The following SLC24A2 variants were observed in gnomAD, a reference collection of about 807,000 sequenced individuals.
SLC24A2 encodes sodium/potassium/calcium exchanger 2.
Under a neutral mutation model 62.0 loss-of-function variants are expected in SLC24A2, and 36 were observed. The ratio of observed to expected loss-of-function variants is 0.58; its 90% CI spans 0.44 to 0.77. The LOEUF (loss-of-function observed/expected upper bound fraction) is 0.77, where lower values mean the gene tolerates loss of function less well. Ranked by LOEUF, SLC24A2 falls within the 30% of genes least tolerant of loss-of-function variation. SLC24A2 has a pLI of 0.00. For synonymous variants in SLC24A2, 358 were observed against 294.0 expected (o/e 1.22, Z -2.23); for missense variants, 846 against 817.9 (o/e 1.03, Z -0.42).
chr9:20,017,660 C>A, the SLC24A2 span, among the ~76,000 whole-genome samples: 7 of 152,204 alleles, frequency 4.6e-5, no homozygotes, highest in African/African-American at 1.7e-4. Flanking sequence ...AGCCTTCAGT[C>A]TGTGGCCAAA....
chr9:20,127,743 A>G, the SLC24A2 span, among the ~76,000 whole-genome samples: 1 of 152,174 alleles, frequency 6.6e-6, no homozygotes, highest in East Asian at 1.9e-4. Context: ...AGTCATGGCA[A>G]GAAGTGCTAA....
Position 19,787,035 on chromosome 9 carries a change from A to T in SLC24A2, c.-153-16T>A. The T allele has an allele frequency of 4.4e-6, 6 of 1,365,348 alleles. No individual in the cohort carries two copies. In the South Asian group the frequency reaches 1.2e-4, roughly 27 times the overall value. The allele number at this position is 1,365,348 out of a possible 1,614,324, so 84.6% of individuals were successfully genotyped here. A position where few individuals can be genotyped will look rare whatever the true frequency, so the allele number is the denominator to read the frequency against. The stretch of plus-strand genomic sequence containing the variant: ...ATCATTTATGCTTAAATAAAAATAA[A>T]AACGAGAATAAGTAAATCATAAAAT... On this transcript the variant is annotated splice_polypyrimidine_tract_variant and intron_variant, in intron 1 of 10. Coordinates refer to ENST00000341998, the MANE Select transcript of SLC24A2 (RefSeq NM_020344.4).
chr9:19,838,455 C>CCACA, the SLC24A2 span, among the ~76,000 whole-genome samples: 22,694 of 144,610 alleles, frequency 0.16, 1,852 homozygotes, highest in Middle Eastern at 0.23. Context: ...AGACCTAAAA[C>CCACA]CACACACACA....
At position 19,786,834 on chromosome 9, in the gene SLC24A2, G is replaced by A. The variant is rs1194716680; in HGVS notation, c.33C>T (p.Ser11=). The A allele has an allele frequency of 6.2e-7, 1 of 1,612,198 alleles. No homozygotes were observed. The highest frequency in any genetic ancestry group is 1.7e-5 in the Admixed American group (1 of 59,924). ...ACTCATCCAAACACCATTTCTCTAG[G>A]GAAGTGATGGTGGTGCTTTGTTGCA... MDLQQSTTIT[S]LEKWCLDESL... Residue 11 remains serine (S), a synonymous_variant, in exon 2 of 11, where the codon TCC becomes TCT. Coordinates refer to ENST00000341998, the MANE Select transcript of SLC24A2 (RefSeq NM_020344.4). This position sits in a 1 kb window ranked among gnomAD's most constrained non-coding sequence, Gnocchi z 5.0.
At chr9:19,951,561 A>AT in the SLC24A2 span, among the ~76,000 whole-genome samples, 6 of 150,866 alleles carry the variant, frequency 4.0e-5, no homozygotes, top group Admixed American at 1.3e-4. Flanking sequence ...GTCAAGATTT[A>AT]TTTTTTTTTT....
the SLC24A2 span, among the ~76,000 whole-genome samples, chr9:20,278,076 G>C: frequency 1.3e-5 from 2 of 152,032 alleles, no homozygotes; most frequent in African/African-American, 4.8e-5. Context: ...TCACACGCCA[G>C]GGTCTGTCGT....
At chr9:20,278,464 C>G in the SLC24A2 span, among the ~76,000 whole-genome samples, 45 of 152,130 alleles carry the variant, frequency 3.0e-4, no homozygotes, top group African/African-American at 1.1e-3. Context: ...AATCACCTCT[C>G]AAGTTCAAAG....
At chr9:19,556,406 G>A (rs60507716) in intron 7 of SLC24A2, among the ~76,000 whole-genome samples, 18,814 of 152,174 alleles carry the variant, frequency 0.12, 1,314 homozygotes, top group African/African-American at 0.19. Context: ...AGGGCACTGA[G>A]CAAGATTCCA....
At chr9:19,924,114 A>C in the SLC24A2 span, among the ~76,000 whole-genome samples, 3 of 152,230 alleles carry the variant, frequency 2.0e-5, no homozygotes, top group Non-Finnish European at 4.4e-5. Flanking sequence ...CATGCCTGTG[A>C]GGGAGCAGAG....
chr9:19,647,101 CACACACACAG>C (rs1464892223), intron 2 of SLC24A2, among the ~76,000 whole-genome samples: 2 of 145,880 alleles, frequency 1.4e-5, no homozygotes, highest in African/African-American at 5.1e-5. Flanking sequence ...CACACACACA[CACACACACAG>C]AGTCTCCCTG....
At chr9:20,094,040 A>G in the SLC24A2 span, among the ~76,000 whole-genome samples, 2 of 152,200 alleles carry the variant, frequency 1.3e-5, no homozygotes, top group Admixed American at 6.5e-5. Flanking sequence ...GGTCAAAACC[A>G]TTTTCATAAT....
the SLC24A2 span, among the ~76,000 whole-genome samples, chr9:20,021,738 G>C: frequency 6.6e-6 from 1 of 151,856 alleles, no homozygotes; most frequent in South Asian, 2.1e-4. Context: ...TTCTCTCTAT[G>C]TGTTGGGCTA....
At chr9:20,280,406 G>A in the SLC24A2 span, among the ~76,000 whole-genome samples, 1 of 152,144 alleles carries the variant, frequency 6.6e-6, no homozygotes, top group African/African-American at 2.4e-5. Flanking sequence ...ATTCTCTGCA[G>A]AAGAGGGCGC....
At chr9:20,000,467 A>G in the SLC24A2 span, among the ~76,000 whole-genome samples, 1 of 152,176 alleles carries the variant, frequency 6.6e-6, no homozygotes, top group Admixed American at 6.5e-5. Flanking sequence ...TAAACATTGT[A>G]TAGGTATAAA....
At chr9:19,929,695 A>G in the SLC24A2 span, 3 of 152,562 alleles carry the variant, frequency 2.0e-5, no homozygotes, top group African/African-American at 7.2e-5. Flanking sequence ...AATGTTAACT[A>G]TAAAAAGCCT....
the SLC24A2 span, among the ~76,000 whole-genome samples, chr9:20,032,526 C>T: frequency 6.6e-5 from 10 of 152,184 alleles, no homozygotes; most frequent in South Asian, 1.2e-3. Context: ...GCATTTTGCC[C>T]AAGGGTCGGG....
chr9:19,661,586 T>C (rs1277929046), intron 2 of SLC24A2, among the ~76,000 whole-genome samples: 8 of 152,192 alleles, frequency 5.3e-5, no homozygotes, highest in African/African-American at 1.9e-4. Flanking sequence ...GTGGAGCATA[T>C]CTTCCTTGAA....
At chr9:20,274,864 GGGT>G in the SLC24A2 span, among the ~76,000 whole-genome samples, 1 of 151,920 alleles carries the variant, frequency 6.6e-6, no homozygotes, top group African/African-American at 2.4e-5. Flanking sequence ...GCAGAAGCTT[GGGT>G]GGTGGTACTA....
intron 2 of SLC24A2, among the ~76,000 whole-genome samples, chr9:19,689,614 T>C (rs1819985373): frequency 6.6e-6 from 1 of 152,126 alleles, no homozygotes; most frequent in Non-Finnish European, 1.5e-5. Context: ...GTGGCACATC[T>C]AATATAATCT....
Sources: gnomAD v4.1 joint callset for allele counts (sites outside exome capture counted in the v4.1 genomes callset) on GRCh38, gnomAD v4.1.1 for gene constraint, Gnocchi (gnomAD v3.1) non-coding constraint, MANE v1.5 for transcripts, NCBI Gene and HGNC (gene_info 2026-07-23, HGNC 2026-07-21) for gene names.